The following BRINP1 variants were observed in gnomAD, a reference collection of about 807,000 sequenced individuals.
BRINP1 encodes the protein BMP/retinoic acid inducible neural specific 1.
In BRINP1, 17 loss-of-function variants were observed where a neutral mutation model predicts 72.9. That is an observed-to-expected ratio of 0.23 (90% CI 0.16 to 0.35). The LOEUF (loss-of-function observed/expected upper bound fraction) is 0.35. BRINP1 is among the 10% of genes least tolerant of loss of function. BRINP1 has a pLI of 1.00. For synonymous variants in BRINP1, 418 were observed against 378.5 expected (o/e 1.10, Z -1.21); for missense variants, 850 against 1,001.6 (o/e 0.85, Z 2.04).
chr9:119,291,122 C>CAAAA (rs66505860), intron 2 of BRINP1, among the ~76,000 whole-genome samples: 1 of 121,102 alleles, frequency 8.3e-6, no homozygotes, highest in African/African-American at 3.1e-5. Context: ...AACTCCATCT[C>CAAAA]AAAAAAAAAA....
intron 1 of BRINP1, among the ~76,000 whole-genome samples, chr9:119,361,034 T>C (rs1831623671): frequency 6.6e-6 from 1 of 152,196 alleles, no homozygotes; most frequent in Non-Finnish European, 1.5e-5. Context: ...AGAAAACCTC[T>C]GCAAACTGAG....
intron 3 of BRINP1, among the ~76,000 whole-genome samples, chr9:119,244,817 A>G (rs1455411087): frequency 6.6e-6 from 1 of 152,156 alleles, no homozygotes; most frequent in Non-Finnish European, 1.5e-5. Flanking sequence ...TTCGCCCCAC[A>G]TAGGCCTTTT....
At chr9:119,226,487 TTC>T (rs1226723071) in intron 5 of BRINP1, among the ~76,000 whole-genome samples, 2 of 152,068 alleles carry the variant, frequency 1.3e-5, no homozygotes, top group African/African-American at 4.8e-5. Context: ...CTGATACTCC[TTC>T]TCTCAGCATC....
Position 119,208,823 on chromosome 9 carries a change from A to G in BRINP1, c.1041T>C (p.Ser347=). Residue 347 remains serine (S), a synonymous_variant, in exon 7 of 8, where the codon AGT becomes AGC. Transcript: ENST00000265922. Reference sequence around the variant, plus strand: ...TCTTTTGTCTCTGTGCCTCCGTGGCACTCTGCAGGAGCTTGTAGCGGTTCT... The same window carrying G: ...TCTTTTGTCTCTGTGCCTCCGTGGCGCTCTGCAGGAGCTTGTAGCGGTTCT... The part of the protein sequence containing the change: ...DLQNRYKLLQ[S]ATEAQRQKIQ... The G allele has an allele frequency of 6.2e-7, 1 of 1,614,000 alleles. No homozygotes were observed. Among genetic ancestry groups the G allele is most frequent in the Non-Finnish European group, 8.5e-7 (1 of 1,179,992 alleles).
At chr9:119,200,623 CAAGAAAAAAA>C (rs1372732219) in intron 7 of BRINP1, among the ~76,000 whole-genome samples, 1 of 60,762 alleles carries the variant, frequency 1.6e-5, no homozygotes, top group Non-Finnish European at 3.1e-5. Context: ...GACTCTGCCT[CAAGAAAAAAA>C]AAGAAAAAAA....
intron 4 of BRINP1, among the ~76,000 whole-genome samples, chr9:119,241,479 G>A (rs896166137): frequency 3.3e-5 from 5 of 152,114 alleles, no homozygotes; most frequent in Non-Finnish European, 7.3e-5. Context: ...ATTATTGTTT[G>A]GTCTTGTACA....
At chr9:119,366,070 A>T (rs1308545993) in intron 1 of BRINP1, among the ~76,000 whole-genome samples, 1 of 151,850 alleles carries the variant, frequency 6.6e-6, no homozygotes, top group Non-Finnish European at 1.5e-5. Flanking sequence ...TATGGGTCCT[A>T]CTCTTCACAT....
At position 119,369,379 on chromosome 9, in the gene BRINP1, C is replaced by T. The variant is rs894672104; in HGVS notation, c.-374G>A. On this transcript the variant is annotated 5_prime_UTR_variant, in exon 1 of 8. Transcript: ENST00000265922. Reference sequence around the variant, plus strand: ...TTCGCTCGCCTGCGCTCTCCTCCTCCCCGCGCGCCAGATCAGTTTGCAGCC... The same window carrying T: ...TTCGCTCGCCTGCGCTCTCCTCCTCTCCGCGCGCCAGATCAGTTTGCAGCC... 1 of 397,460 alleles carries T rather than the reference C, an allele frequency of 2.5e-6. No homozygotes were observed. The highest frequency in any genetic ancestry group is 4.4e-6 in the Non-Finnish European group (1 of 225,528). 24.6% of individuals were successfully genotyped at this position (397,460 alleles called of 1,614,324 possible).
intron 5 of BRINP1, among the ~76,000 whole-genome samples, chr9:119,235,568 T>C (rs75482945): frequency 0.051 from 7,761 of 152,260 alleles, 655 homozygotes; most frequent in African/African-American, 0.18. Flanking sequence ...TACTCTTGTT[T>C]GTTTGAAGCT....
chr9:119,232,329 T>C (rs1830156105), intron 5 of BRINP1, among the ~76,000 whole-genome samples: 1 of 152,202 alleles, frequency 6.6e-6, no homozygotes, highest in African/African-American at 2.4e-5. Context: ...TAACAACTGA[T>C]ATCCTACAAC....
rs201690872 is a variant in BRINP1 at position 119,220,617 on chromosome 9, C to CA, written c.686-6463dup. Among the ~76,000 whole-genome samples, 68 of 147,442 alleles carry CA rather than the reference C, an allele frequency of 4.6e-4. No individual in the cohort carries two copies. In the East Asian group the frequency reaches 5.4e-3, roughly 12 times the overall value. On this transcript the variant is annotated intron_variant, in intron 5 of 7. Transcript: ENST00000265922. ...GTTACTCAGATATTGAAAACTAAAG[C>CA]AAAAAAAAAATTCAAGAACGGGAAA...
chr9:119,267,827 C>G (rs548864012), intron 2 of BRINP1, among the ~76,000 whole-genome samples: 1 of 151,724 alleles, frequency 6.6e-6, no homozygotes, highest in Non-Finnish European at 1.5e-5. Flanking sequence ...GAGAAGAGGC[C>G]GAAGGACTGA....
chr9:119,244,743 G>A (rs1830296821), intron 3 of BRINP1, among the ~76,000 whole-genome samples: 1 of 152,164 alleles, frequency 6.6e-6, no homozygotes, highest in African/African-American at 2.4e-5. Context: ...TTAATTTCTT[G>A]TTTATTAAGA....
At chr9:119,311,198 T>C (rs1255824195) in intron 2 of BRINP1, among the ~76,000 whole-genome samples, 2 of 152,200 alleles carry the variant, frequency 1.3e-5, no homozygotes, top group Admixed American at 1.3e-4. Context: ...GTGTTGAGTC[T>C]GTAGCTGGTG....
At chr9:119,183,283 TA>T (rs1211383179) in intron 7 of BRINP1, among the ~76,000 whole-genome samples, 1 of 152,172 alleles carries the variant, frequency 6.6e-6, no homozygotes, top group Admixed American at 6.5e-5. Flanking sequence ...GAATTCTATA[TA>T]AACAATAAAA....
chr9:119,235,374 C>A (rs1426516159), intron 5 of BRINP1, among the ~76,000 whole-genome samples: 1 of 152,162 alleles, frequency 6.6e-6, no homozygotes, highest in Non-Finnish European at 1.5e-5. Context: ...TCTTTGAATA[C>A]CCCTTCATAA....
chr9:119,333,462 CAA>C (rs544546221), intron 1 of BRINP1, among the ~76,000 whole-genome samples: 2,475 of 67,912 alleles, frequency 0.036, 52 homozygotes, highest in African/African-American at 0.12. Context: ...GACCTTGTTT[CAA>C]AAAAAAAAAA....
intron 2 of BRINP1, among the ~76,000 whole-genome samples, chr9:119,292,811 G>C (rs760916572): frequency 4.6e-5 from 7 of 152,170 alleles, no homozygotes; most frequent in Non-Finnish European, 1.0e-4. Flanking sequence ...TGCTGTTATT[G>C]TTGCTGCTTG....
At chr9:119,306,361 T>G (rs929970225) in intron 2 of BRINP1, among the ~76,000 whole-genome samples, 2 of 152,202 alleles carry the variant, frequency 1.3e-5, no homozygotes, top group African/African-American at 4.8e-5. Context: ...TTGCTGGATA[T>G]CCTCCTCCAC....
Sources: gnomAD v4.1 joint callset for allele counts (sites outside exome capture counted in the v4.1 genomes callset) on GRCh38, gnomAD v4.1.1 for gene constraint, MANE v1.5 for transcripts, NCBI Gene and HGNC (gene_info 2026-07-23, HGNC 2026-07-21) for gene names.